Variants in CCSER1 observed in about 807,000 individuals in gnomAD.
CCSER1 encodes the protein serine-rich coiled-coil domain-containing protein 1.
A neutral mutation model predicts 82.0 loss-of-function variants in CCSER1; 41 were observed. That is an observed-to-expected ratio of 0.50 (90% CI 0.39 to 0.65). CCSER1 has a LOEUF of 0.65. Among genes scored for constraint, CCSER1 ranks in the 30% least tolerant of loss-of-function variants. The pLI is 0.00. For synonymous variants in CCSER1, 414 were observed against 383.9 expected (o/e 1.08, Z -0.92); for missense variants, 1,119 against 1,064.2 (o/e 1.05, Z -0.72).
intron 10 of CCSER1, among the ~76,000 whole-genome samples, chr4:91,272,817 T>A (rs1742138243): frequency 6.6e-6 from 1 of 152,238 alleles, no homozygotes; most frequent in Non-Finnish European, 1.5e-5. Flanking sequence ...ACATGTGGCT[T>A]GCCAATTATC....
At chr4:91,364,467 G>A (rs866568699) in intron 10 of CCSER1, among the ~76,000 whole-genome samples, 7 of 151,990 alleles carry the variant, frequency 4.6e-5, no homozygotes, top group Admixed American at 6.6e-5. Flanking sequence ...GCACATGAGC[G>A]TTTCTGAGAT....
chr4:90,479,387 G>A lies in CCSER1; in HGVS notation c.1724+11033G>A, dbSNP rs143661025. On this transcript the variant is annotated intron_variant, in intron 5 of 10. Transcript: ENST00000509176. ...TCATTTTACTAGCTATTTCTTTTTCGTCTTTTTATACTTTAAGTTTTAGGG... is the reference window on the plus strand; with the variant it reads ...TCATTTTACTAGCTATTTCTTTTTCATCTTTTTATACTTTAAGTTTTAGGG... 5.9e-3 allele frequency among the ~76,000 whole-genome samples: 890 copies of A among 151,538 alleles called. 4 individuals carry two copies. The highest frequency in any genetic ancestry group is 0.011 in the South Asian group (54 of 4,798).
chr4:90,600,896 C>A (rs534236501), intron 5 of CCSER1, among the ~76,000 whole-genome samples: 1 of 151,606 alleles, frequency 6.6e-6, no homozygotes, highest in African/African-American at 2.4e-5. Flanking sequence ...TTTTAGTTTT[C>A]TTTCATATTT....
At chr4:90,427,354 G>A (rs1578416285) in intron 4 of CCSER1, among the ~76,000 whole-genome samples, 2 of 151,458 alleles carry the variant, frequency 1.3e-5, no homozygotes, top group African/African-American at 4.8e-5. Flanking sequence ...TGTTACTGAT[G>A]GTACATCACT....
intron 8 of CCSER1, among the ~76,000 whole-genome samples, chr4:90,874,664 G>A (rs1043484704): frequency 1.2e-4 from 19 of 152,134 alleles, no homozygotes; most frequent in Non-Finnish European, 4.4e-5. Context: ...GTATTCATAA[G>A]TTGATTTTCT....
Position 91,014,435 on chromosome 4 carries a change from C to T in CCSER1, c.2173-71515C>T, listed in dbSNP as rs887271620. 5.2e-5 allele frequency among the ~76,000 whole-genome samples: 7 copies of T among 134,646 alleles called. No homozygotes were observed. In the Middle Eastern group the frequency reaches 0.016, roughly 298 times the overall value. 88.3% of individuals were successfully genotyped at this position (134,646 alleles called of 152,430 possible). A position where few individuals can be genotyped will look rare whatever the true frequency, so the allele number is the denominator to read the frequency against. On this transcript the variant is annotated intron_variant, in intron 9 of 10. Coordinates refer to ENST00000509176, the MANE Select transcript of CCSER1 (RefSeq NM_001145065.2). ...CACTTTTACTGCTTCTACTTCTCCA[C>T]ACCACGTCCTACTCCTAAATTTGTG... is the stretch of plus-strand genomic sequence containing the variant.
At chr4:91,446,958 T>C (rs911244652) in intron 10 of CCSER1, among the ~76,000 whole-genome samples, 2 of 152,208 alleles carry the variant, frequency 1.3e-5, no homozygotes, top group South Asian at 2.1e-4. Context: ...TGGAGTGTTA[T>C]AGGAAGTAAA....
chr4:91,447,907 A>G (rs145548500), intron 10 of CCSER1, among the ~76,000 whole-genome samples: 124 of 152,210 alleles, frequency 8.1e-4, no homozygotes, highest in Non-Finnish European at 1.6e-3. Context: ...ATTGTCTCAT[A>G]AAGAGTGGTC....
At chr4:91,368,611 G>A (rs545376613) in intron 10 of CCSER1, among the ~76,000 whole-genome samples, 88 of 152,114 alleles carry the variant, frequency 5.8e-4, no homozygotes, top group Non-Finnish European at 9.1e-4. Flanking sequence ...CTTTGAGGGA[G>A]CTTATTTTAG....
At chr4:91,083,438 TAGG>T (rs1448033455) in intron 9 of CCSER1, among the ~76,000 whole-genome samples, 1 of 151,978 alleles carries the variant, frequency 6.6e-6, no homozygotes, top group Non-Finnish European at 1.5e-5. Context: ...AGGATAGCAT[TAGG>T]AGATATACCT....
chr4:91,519,832 C>T (rs570215252), intron 10 of CCSER1, among the ~76,000 whole-genome samples: 59 of 152,260 alleles, frequency 3.9e-4, no homozygotes, highest in Admixed American at 2.2e-3. Context: ...CCAATATGTT[C>T]GCCTGGATGT....
At chr4:91,439,865 AG>A (rs896601236) in intron 10 of CCSER1, among the ~76,000 whole-genome samples, 6 of 152,332 alleles carry the variant, frequency 3.9e-5, no homozygotes, top group African/African-American at 1.2e-4. Context: ...AAAGAGACAA[AG>A]AAGGCCATTA....
At chr4:90,221,374 A>G (rs1014736554) in intron 1 of CCSER1, among the ~76,000 whole-genome samples, 9 of 152,196 alleles carry the variant, frequency 5.9e-5, no homozygotes, top group African/African-American at 2.2e-4. Flanking sequence ...ATAGCTTGCT[A>G]TAATTATGTG....
At chr4:90,618,215 G>C (rs1721657353) in intron 5 of CCSER1, among the ~76,000 whole-genome samples, 2 of 152,024 alleles carry the variant, frequency 1.3e-5, no homozygotes, top group South Asian at 4.1e-4. Flanking sequence ...CTTTACCTTT[G>C]AAAAGTATTG....
intron 10 of CCSER1, among the ~76,000 whole-genome samples, chr4:91,499,986 A>G (rs1444089454): frequency 6.6e-6 from 1 of 152,076 alleles, no homozygotes; most frequent in East Asian, 1.9e-4. Flanking sequence ...TTTGGTAAAA[A>G]TCAATAAGTG....
rs527743067 is a variant in CCSER1, at chr4:90,228,988, C to T, written c.-41-79256C>T. Among the ~76,000 whole-genome samples the T allele has an allele frequency of 7.2e-5, 11 of 152,226 alleles. No individual in the cohort carries two copies. The East Asian group carries it at 1.4e-3, about 19-fold the overall frequency. ...GGACTACGTGTAAAGACGAAATCTA[C>T]GTCTGATTGGTGTAACTGAAAGTGA... On this transcript the variant is annotated intron_variant, in intron 1 of 10. Coordinates refer to ENST00000509176, the MANE Select transcript of CCSER1 (RefSeq NM_001145065.2).
chr4:90,973,297 A>G (rs1735292061), intron 9 of CCSER1, among the ~76,000 whole-genome samples: 1 of 151,810 alleles, frequency 6.6e-6, no homozygotes, highest in African/African-American at 2.4e-5. Flanking sequence ...TCTACAATAT[A>G]TGATACTCAA....
chr4:91,473,361 A>G (rs924686717), intron 10 of CCSER1, among the ~76,000 whole-genome samples: 1 of 152,164 alleles, frequency 6.6e-6, no homozygotes, highest in Non-Finnish European at 1.5e-5. Flanking sequence ...CTCATAAAGT[A>G]TTCCCTTTTA....
chr4:91,008,665 G>T (rs1185020487), intron 9 of CCSER1, among the ~76,000 whole-genome samples: 2 of 152,140 alleles, frequency 1.3e-5, no homozygotes, highest in East Asian at 3.9e-4. Context: ...CTGCTTTTCT[G>T]TGTCTTTGAT....
Sources: gnomAD v4.1 joint callset for allele counts (sites outside exome capture counted in the v4.1 genomes callset) on GRCh38, gnomAD v4.1.1 for gene constraint, MANE v1.5 for transcripts, NCBI Gene and HGNC (gene_info 2026-07-23, HGNC 2026-07-21) for gene names.